Variants in TENM4 observed in about 807,000 individuals in gnomAD.
TENM4 encodes teneurin-4.
Under a neutral mutation model 243.3 loss-of-function variants are expected in TENM4, and 82 were observed. The ratio of observed to expected loss-of-function variants is 0.34; its 90% confidence interval spans 0.28 to 0.40. The LOEUF is 0.40. Among genes scored for constraint, TENM4 ranks in the 10% least tolerant of loss-of-function variants. The pLI, the probability that TENM4 is intolerant of heterozygous loss-of-function variation, is 1.00. For missense variants in TENM4, 3,138 were observed against 3,673.3 expected, an observed-to-expected ratio of 0.85 and a Z score of 3.77; for synonymous variants, 1,412 against 1,456.3, an observed-to-expected ratio of 0.97 and a Z score of 0.69.
chr11:79,027,449 T>C (rs1374599465), intron 6 of TENM4, among the ~76,000 whole-genome samples: 1 of 152,166 alleles, frequency 6.6e-6, no homozygotes, highest in Non-Finnish European at 1.5e-5. Flanking sequence ...AGTCTAGTAG[T>C]TTTTGGCTGA....
At chr11:79,362,952 G>A (rs1278980173) in intron 1 of TENM4, among the ~76,000 whole-genome samples, 1 of 152,314 alleles carries the variant, frequency 6.6e-6, no homozygotes, top group Non-Finnish European at 1.5e-5. Flanking sequence ...TAAGATGTCA[G>A]CAGTGGCAAT....
At chr11:78,892,644 A>T (rs537696793) in intron 7 of TENM4, among the ~76,000 whole-genome samples, 38 of 152,246 alleles carry the variant, frequency 2.5e-4, no homozygotes, top group Non-Finnish European at 4.6e-4. Flanking sequence ...TACTAATGCT[A>T]AGTATAATAG....
rs766359287 is a variant in TENM4 at position 78,701,523 on chromosome 11, T to C, written c.5087+3A>G. On this transcript the variant is annotated splice_donor_region_variant and intron_variant, in intron 28 of 33. Transcript: ENST00000278550. ...CATCAAATGGCCTTGTTTTAGTACT[T>C]ACTCATAAAATGTTGTCCATCCGTT... 16 of 1,574,306 alleles carry C rather than the reference T, an allele frequency of 1.0e-5. No individual in the cohort carries two copies. The highest frequency in any genetic ancestry group is 1.3e-5 in the Non-Finnish European group (15 of 1,153,990).
intron 6 of TENM4, among the ~76,000 whole-genome samples, chr11:78,988,583 C>T (rs1857972020): frequency 6.6e-6 from 1 of 152,194 alleles, no homozygotes; most frequent in African/African-American, 2.4e-5. Flanking sequence ...GACCAATAAT[C>T]TGTGCCCCAC....
intron 1 of TENM4, among the ~76,000 whole-genome samples, chr11:79,328,757 C>T (rs476462): frequency 0.83 from 126,837 of 152,000 alleles, 53,571 homozygotes; most frequent in African/African-American, 0.95. Context: ...ACTGAACACC[C>T]ACTATGTACC....
intron 6 of TENM4, among the ~76,000 whole-genome samples, chr11:79,056,848 A>T (rs1859957155): frequency 6.6e-6 from 1 of 152,224 alleles, no homozygotes; most frequent in African/African-American, 2.4e-5. Flanking sequence ...AGGACCCGGA[A>T]CTGGGCCAAG....
intron 4 of TENM4, among the ~76,000 whole-genome samples, chr11:79,075,659 C>G (rs1053511565): frequency 9.2e-5 from 14 of 152,164 alleles, no homozygotes; most frequent in Non-Finnish European, 2.1e-4. Context: ...CATTGTAGGC[C>G]TCAGGCTAAA....
At chr11:78,890,477 T>C (rs781453898) in intron 8 of TENM4, among the ~76,000 whole-genome samples, 1 of 152,236 alleles carries the variant, frequency 6.6e-6, no homozygotes, top group Non-Finnish European at 1.5e-5. Context: ...AATGCTTCTG[T>C]TGCCGGTGTA....
intron 6 of TENM4, among the ~76,000 whole-genome samples, chr11:79,045,170 G>A (rs546104916): frequency 5.3e-5 from 8 of 152,196 alleles, no homozygotes; most frequent in Admixed American, 2.6e-4. Context: ...AGGATATTGC[G>A]TTGGTGAGAA....
intron 6 of TENM4, among the ~76,000 whole-genome samples, chr11:78,969,283 A>G (rs542407366): frequency 6.6e-6 from 1 of 152,224 alleles, no homozygotes; most frequent in South Asian, 2.1e-4. Flanking sequence ...TGTGTTAGGG[A>G]AACTGTCCTA....
chr11:79,221,892 T>C (rs1590805653), intron 2 of TENM4, among the ~76,000 whole-genome samples: 1 of 152,184 alleles, frequency 6.6e-6, no homozygotes, highest in Admixed American at 6.5e-5. Context: ...CATGCCCTGG[T>C]GAGGCTGTGT....
At chr11:78,836,811 T>G (rs1483319595) in intron 12 of TENM4, among the ~76,000 whole-genome samples, 1 of 152,186 alleles carries the variant, frequency 6.6e-6, no homozygotes, top group Admixed American at 6.5e-5. Flanking sequence ...TGGCTAATGG[T>G]TTTAACTTAA....
At chr11:79,280,912 A>C (rs971808598) in intron 2 of TENM4, among the ~76,000 whole-genome samples, 3 of 152,184 alleles carry the variant, frequency 2.0e-5, no homozygotes, top group Non-Finnish European at 4.4e-5. Context: ...AAATAAACAC[A>C]TAAAATGAGG....
intron 26 of TENM4, among the ~76,000 whole-genome samples, chr11:78,711,421 T>G (rs1859394167): frequency 6.6e-6 from 1 of 152,212 alleles, no homozygotes; most frequent in Non-Finnish European, 1.5e-5. Context: ...CTTCAATGAT[T>G]TGCCCAAAGT....
intron 6 of TENM4, among the ~76,000 whole-genome samples, chr11:78,928,740 AG>A (rs1333097880): frequency 6.6e-6 from 1 of 152,242 alleles, no homozygotes; most frequent in Non-Finnish European, 1.5e-5. Flanking sequence ...ACAAAATATA[AG>A]GGACTACCAA....
At chr11:79,057,582 C>A (rs1385066877) in intron 6 of TENM4, among the ~76,000 whole-genome samples, 1 of 152,162 alleles carries the variant, frequency 6.6e-6, no homozygotes, top group Non-Finnish European at 1.5e-5. Flanking sequence ...TATAGAGAAA[C>A]ATCCTATGTT....
intron 2 of TENM4, among the ~76,000 whole-genome samples, chr11:79,268,182 A>C (rs796977551): frequency 7.2e-5 from 11 of 152,348 alleles, no homozygotes; most frequent in African/African-American, 2.6e-4. Context: ...TACAGGAGTC[A>C]ACAAACTTTT....
At chr11:79,285,253 A>AT (rs1565283359) in intron 2 of TENM4, among the ~76,000 whole-genome samples, 2 of 85,678 alleles carry the variant, frequency 2.3e-5, no homozygotes, top group African/African-American at 3.7e-5. Context: ...ATAAATAAAT[A>AT]AAAAAAAAGA....
chr11:78,731,744 C>T (rs1855672790), intron 21 of TENM4, among the ~76,000 whole-genome samples: 1 of 152,212 alleles, frequency 6.6e-6, no homozygotes, highest in African/African-American at 2.4e-5. Context: ...TTAAGTAAAG[C>T]AGTTGTATGT....
Sources: gnomAD v4.1 joint callset for allele counts (sites outside exome capture counted in the v4.1 genomes callset) on GRCh38, gnomAD v4.1.1 for gene constraint, MANE v1.5 for transcripts, NCBI Gene and HGNC (gene_info 2026-07-23, HGNC 2026-07-21) for gene names.